The following P2RX5 variants were observed in gnomAD, a reference collection of about 807,000 sequenced individuals.
P2RX5 encodes P2X purinoceptor 5.
Under a neutral mutation model 54.1 loss-of-function variants are expected in P2RX5, and 46 were observed. That is an observed-to-expected ratio of 0.85 (90% CI 0.67 to 1.09). The LOEUF (loss-of-function observed/expected upper bound fraction) is 1.09, where lower values mean the gene tolerates loss of function less well. Among genes scored for constraint, P2RX5 ranks in the 50% least tolerant of loss-of-function variants. P2RX5 has a pLI of 0.00. For missense variants in P2RX5, 566 were observed against 549.8 expected, an observed-to-expected ratio of 1.03 and a Z score of -0.29; for synonymous variants, 226 against 226.4, an observed-to-expected ratio of 1.00 and a Z score of 0.02.
At chr17:3,712,875 G>A in the P2RX5 span, among the ~76,000 whole-genome samples, 19 of 152,046 alleles carry the variant, frequency 1.2e-4, no homozygotes, top group African/African-American at 4.1e-4. Flanking sequence ...CCCGGGAGGC[G>A]GAGGTTGCAG....
the P2RX5 span, among the ~76,000 whole-genome samples, chr17:3,713,138 C>G: frequency 6.6e-6 from 1 of 152,180 alleles, no homozygotes; most frequent in Non-Finnish European, 1.5e-5. Flanking sequence ...AGGAGGATCA[C>G]TTGAAGCCAG....
At chr17:3,680,904 C>T (rs375993048) in intron 10 of P2RX5, among the ~76,000 whole-genome samples, 58 of 131,470 alleles carry the variant, frequency 4.4e-4, no homozygotes, top group Middle Eastern at 4.1e-3. Flanking sequence ...CTCCACCCAG[C>T]GTCCTCCACC....
At position 3,679,791 on chromosome 17, in the gene P2RX5, A is replaced by G. The variant is rs550109032; in HGVS notation, c.1065-7T>C. The G allele has an allele frequency of 6.2e-6, 10 of 1,608,050 alleles. No homozygotes were observed. In the East Asian group the frequency reaches 2.0e-4, roughly 32 times the overall value. On this transcript the variant is annotated splice_polypyrimidine_tract_variant and splice_region_variant and intron_variant, in intron 10 of 11. Transcript: ENST00000225328. ...GGAACTGTCTTCTAGGCCCCTGGAC[A>G]AGATACAAGCTGTTCACCTGGGACG...
chr17:3,711,818 C>G, the P2RX5 span, among the ~76,000 whole-genome samples: 1 of 152,226 alleles, frequency 6.6e-6, no homozygotes, highest in African/African-American at 2.4e-5. Context: ...CCTCAGCCTC[C>G]TGAGTAGCTG....
chr17:3,685,242 G>A (rs189401039), intron 9 of P2RX5, among the ~76,000 whole-genome samples: 226 of 152,242 alleles, frequency 1.5e-3, no homozygotes, highest in African/African-American at 5.2e-3. Context: ...CCTCGGCTGG[G>A]GACTGACCTA....
chr17:3,693,744 T>C (rs902075454), intron 1 of P2RX5, among the ~76,000 whole-genome samples: 1 of 151,312 alleles, frequency 6.6e-6, no homozygotes, highest in African/African-American at 2.4e-5. Context: ...ATCTCAAAAA[T>C]AATAATAATA....
chr17:3,716,873 G>A, the P2RX5 span: 7 of 842,004 alleles, frequency 8.3e-6, no homozygotes, highest in African/African-American at 1.2e-4. Context: ...TTATTTTAAG[G>A]AGCAAAATAC....
the P2RX5 span, among the ~76,000 whole-genome samples, chr17:3,708,184 A>G: frequency 6.6e-6 from 1 of 151,976 alleles, no homozygotes; most frequent in Non-Finnish European, 1.5e-5. Flanking sequence ...GGTACTTAGG[A>G]AGACTGTTTT....
the P2RX5 span, among the ~76,000 whole-genome samples, chr17:3,722,680 C>T: frequency 3.9e-5 from 6 of 151,944 alleles, no homozygotes; most frequent in South Asian, 2.1e-4. Context: ...GAGAGAAAGG[C>T]GAGTACTAGG....
chr17:3,689,412 G>T, intron 7 of P2RX5, 80 bp downstream of exon 7: 1 of 1,552,038 alleles, frequency 6.4e-7, no homozygotes, highest in Non-Finnish European at 8.8e-7. Flanking sequence ...ACGAGTCCCC[G>T]TCCACACCCT....
Position 3,679,742 on chromosome 17 carries a change from C to T in P2RX5, c.1107G>A (p.Ser369=), listed in dbSNP as rs751441423. The change falls in exon 11 of 12, where the codon TCG becomes TCA. Residue 369 remains serine (S), a synonymous_variant. Coordinates refer to ENST00000225328, the MANE Select transcript of P2RX5 (RefSeq NM_002561.4). ...TGAGCTGCTCAGATAGCCCCAGCCC[C>T]GATGCCTCGTCCTCGGCCTCCTGGG... is the stretch of plus-strand genomic sequence containing the variant. ...DSSQEAEDEA[S]GLGLSEQLTS... is the part of the protein sequence containing the mutation. 1.8e-5 allele frequency: 29 copies of T among 1,612,198 alleles called. No homozygotes were observed. The South Asian group carries it at 2.0e-4, about 11-fold the overall frequency.
intron 1 of P2RX5, among the ~76,000 whole-genome samples, chr17:3,694,933 C>CG (rs2050714735): frequency 6.6e-6 from 1 of 152,132 alleles, no homozygotes; most frequent in Non-Finnish European, 1.5e-5. Flanking sequence ...TGGAGGAGGA[C>CG]GGGCAGGCCT....
At chr17:3,713,618 C>T in the P2RX5 span, among the ~76,000 whole-genome samples, 57,088 of 150,984 alleles carry the variant, frequency 0.38, 12,894 homozygotes, top group South Asian at 0.6. Context: ...GGCGTGGTGG[C>T]GCATGCCTGT....
the P2RX5 span, among the ~76,000 whole-genome samples, chr17:3,715,341 G>C: frequency 1.3e-5 from 2 of 152,148 alleles, no homozygotes; most frequent in Non-Finnish European, 2.9e-5. Flanking sequence ...AGGAAAAAGA[G>C]ATAATTACAA....
chr17:3,677,337 G>A (rs117170329), intron 11 of P2RX5: 18 of 973,156 alleles, frequency 1.8e-5, no homozygotes, highest in South Asian at 9.6e-5. Flanking sequence ...CATATTCCCC[G>A]GGCGTCCCGA....
chr17:3,710,081 T>C, the P2RX5 span, among the ~76,000 whole-genome samples: 1 of 152,098 alleles, frequency 6.6e-6, no homozygotes, highest in African/African-American at 2.4e-5. Flanking sequence ...ATACCCCTCC[T>C]TGTAAATGTA....
rs898733724 is a variant in P2RX5 at position 3,679,927 on chromosome 17, T to G, written c.1065-143A>C. On this transcript the variant is annotated intron_variant, in intron 10 of 11. Coordinates refer to ENST00000225328, the MANE Select transcript of P2RX5 (RefSeq NM_002561.4). ...AGCCGGTGTCCTCCACCCTGCTTCC[T>G]CCATGCGGCTCCCTCCACCCTGCAT... 7 of 727,374 alleles carry G rather than the reference T, an allele frequency of 9.6e-6. No homozygotes were observed. The South Asian group carries it at 1.1e-4, about 11-fold the overall frequency. 45.1% of individuals were successfully genotyped at this position (727,374 alleles called of 1,614,324 possible).
Position 3,688,121 on chromosome 17 carries a change from C to A in P2RX5, c.888-16G>T. 6.8e-7 allele frequency: 1 copy of A among 1,479,554 alleles called. No individual in the cohort carries two copies. Among genetic ancestry groups the A allele is most frequent in the East Asian group, 2.3e-5 (1 of 42,860 alleles). The allele number at this position is 1,479,554 out of a possible 1,614,324, so 91.7% of individuals were successfully genotyped here. A position where few individuals can be genotyped will look rare whatever the true frequency, so the allele number is the denominator to read the frequency against. On this transcript the variant is annotated splice_polypyrimidine_tract_variant and intron_variant, in intron 8 of 11. Transcript: ENST00000225328. Reference sequence around the variant, plus strand: ...TCTGGCAAATCTGAGGGAGACAGGGCCCAGGGGAGGCCTCAGCCTGCCTGG... The same window carrying A: ...TCTGGCAAATCTGAGGGAGACAGGGACCAGGGGAGGCCTCAGCCTGCCTGG...
the P2RX5 span, chr17:3,717,969 A>G: frequency 6.6e-6 from 1 of 152,228 alleles, no homozygotes; most frequent in East Asian, 1.9e-4. Context: ...AGTAGAAGAA[A>G]TGTCCCTATT....
Sources: allele counts gnomAD v4.1 joint callset (sites outside exome capture counted in the v4.1 genomes callset), GRCh38; gene constraint gnomAD v4.1.1; transcripts MANE v1.5; gene names NCBI Gene and HGNC (gene_info 2026-07-23, HGNC 2026-07-21).